Variants in PDZD2 observed in about 807,000 individuals in gnomAD.
The protein encoded by PDZD2 is PDZ domain-containing protein 2.
Under a neutral mutation model 220.7 loss-of-function variants are expected in PDZD2, and 90 were observed. The ratio of observed to expected loss-of-function variants is 0.41; its 90% CI spans 0.34 to 0.49. The LOEUF (loss-of-function observed/expected upper bound fraction) is 0.49. Among genes scored for constraint, PDZD2 ranks in the 20% least tolerant of loss-of-function variants. The pLI is 0.28. For synonymous variants in PDZD2, 1,375 were observed against 1,450.5 expected (o/e 0.95, Z 1.18); for missense variants, 3,174 against 3,608.5 (o/e 0.88, Z 3.08).
intron 2 of PDZD2, among the ~76,000 whole-genome samples, chr5:31,970,779 A>G (rs1749230469): frequency 6.6e-6 from 1 of 152,188 alleles, no homozygotes; most frequent in African/African-American, 2.4e-5. Context: ...AGTACATATG[A>G]AAGAATTTGA....
intron 2 of PDZD2, among the ~76,000 whole-genome samples, chr5:31,977,804 C>T (rs905539204): frequency 1.1e-4 from 17 of 152,168 alleles, no homozygotes; most frequent in African/African-American, 4.1e-4. Flanking sequence ...AAAACCCTGT[C>T]TCTACTGAAA....
chr5:31,779,514 C>T (rs1232804965), intron 1 of PDZD2, among the ~76,000 whole-genome samples: 1 of 151,634 alleles, frequency 6.6e-6, no homozygotes, highest in Non-Finnish European at 1.5e-5. Flanking sequence ...GCTGGGACTA[C>T]AGGCGCCCGC....
At position 32,060,167 on chromosome 5, in the gene PDZD2, A is replaced by G. The variant is rs115006891; in HGVS notation, c.2318+811A>G. 1.5e-3 allele frequency among the ~76,000 whole-genome samples: 231 copies of G among 149,554 alleles called. 1 individual carries two copies. Among genetic ancestry groups the G allele is most frequent in the Non-Finnish European group, 2.5e-3 (166 of 66,626 alleles). On this transcript the variant is annotated intron_variant, in intron 13 of 24. Coordinates refer to ENST00000438447, the MANE Select transcript of PDZD2 (RefSeq NM_178140.4). ...ATGTTTTTAGTTAATCATTAGAGTA[A>G]ATTTCCATATGAAAAAAAATTTAGC... is the stretch of plus-strand genomic sequence containing the variant.
intron 2 of PDZD2, among the ~76,000 whole-genome samples, chr5:31,924,302 G>A (rs1010457658): frequency 4.6e-5 from 7 of 152,274 alleles, no homozygotes; most frequent in Non-Finnish European, 8.8e-5. Context: ...CCTGCTGTGC[G>A]GTGCCAATTA....
chr5:31,739,564 A>G (rs996555477), intron 1 of PDZD2, among the ~76,000 whole-genome samples: 1 of 152,222 alleles, frequency 6.6e-6, no homozygotes, highest in African/African-American at 2.4e-5. Context: ...ATGGGATTAA[A>G]AGATAAAAAT....
rs997559356 is a variant in PDZD2 at position 32,037,362 on chromosome 5, G to A, written c.1519+20G>A. The A allele has an allele frequency of 1.4e-5, 19 of 1,339,292 alleles. No individual in the cohort carries two copies. Among genetic ancestry groups the A allele is most frequent in the Non-Finnish European group, 1.9e-5 (18 of 930,848 alleles). The allele number at this position is 1,339,292 out of a possible 1,614,324, so 83.0% of individuals were successfully genotyped here. On this transcript the variant is annotated intron_variant, in intron 7 of 24. Coordinates refer to ENST00000438447, the MANE Select transcript of PDZD2 (RefSeq NM_178140.4). ...TTTCAGGTAGGTGGGGGCTCTACCT[G>A]ATGCAGCCTGTCTAGGATGAGTTTT...
intron 2 of PDZD2, among the ~76,000 whole-genome samples, chr5:31,903,423 G>T (rs1351460150): frequency 6.6e-6 from 1 of 151,994 alleles, no homozygotes; most frequent in Non-Finnish European, 1.5e-5. Context: ...ATGGTGGGAA[G>T]ATTGCTTGAG....
At chr5:31,898,713 T>TG (rs1419643310) in intron 2 of PDZD2, among the ~76,000 whole-genome samples, 1 of 151,600 alleles carries the variant, frequency 6.6e-6, no homozygotes, top group East Asian at 1.9e-4. Context: ...TTCCTAGCTC[T>TG]GGGGGGCAGT....
intron 6 of PDZD2, among the ~76,000 whole-genome samples, chr5:32,027,921 T>C (rs1218291255): frequency 6.6e-6 from 1 of 152,178 alleles, no homozygotes; most frequent in East Asian, 1.9e-4. Context: ...AATCTTAGTG[T>C]GACTGAAGCC....
chr5:32,079,458 A>G (rs1741696143), intron 19 of PDZD2, among the ~76,000 whole-genome samples: 1 of 151,488 alleles, frequency 6.6e-6, no homozygotes, highest in East Asian at 2.0e-4. Context: ...TTGGTTAGCA[A>G]ACTACGGTGG....
chr5:31,986,317 C>T (rs1750716349), intron 3 of PDZD2, among the ~76,000 whole-genome samples: 1 of 152,106 alleles, frequency 6.6e-6, no homozygotes, highest in Non-Finnish European at 1.5e-5. Flanking sequence ...GTTTATAATT[C>T]ATATTCTGAT....
In PDZD2 at chr5:32,071,373, C is replaced by T. The variant is rs770273292; in HGVS notation, c.2534-11C>T. 7 of 1,597,142 alleles carry T rather than the reference C, an allele frequency of 4.4e-6. No homozygotes were observed. Among genetic ancestry groups the T allele is most frequent in the Non-Finnish European group, 6.0e-6 (7 of 1,164,602 alleles). On this transcript the variant is annotated splice_polypyrimidine_tract_variant and intron_variant, in intron 15 of 24. Transcript: ENST00000438447. ...TTGTTTTGACAATATGGTGAATTTT[C>T]CCTCCAACAGGTACCCCCTTGAAGA...
intron 7 of PDZD2, among the ~76,000 whole-genome samples, chr5:32,042,757 C>G (rs1756306049): frequency 1.3e-5 from 2 of 152,062 alleles, no homozygotes; most frequent in Admixed American, 6.6e-5. Flanking sequence ...CCCTTCCAGC[C>G]CTGAGGAAGA....
At chr5:31,691,428 G>A (rs1747124153) in intron 1 of PDZD2, among the ~76,000 whole-genome samples, 1 of 152,170 alleles carries the variant, frequency 6.6e-6, no homozygotes, top group Admixed American at 6.5e-5. Context: ...GGCCCGAACA[G>A]GTTGCCACTG....
At chr5:31,694,159 G>C (rs534236923) in intron 1 of PDZD2, among the ~76,000 whole-genome samples, 2 of 152,248 alleles carry the variant, frequency 1.3e-5, no homozygotes, top group East Asian at 3.9e-4. Context: ...GGGAGGCCAT[G>C]GTGGGCAGAT....
chr5:31,640,868 G>A (rs1744922865), intron 1 of PDZD2, among the ~76,000 whole-genome samples: 1 of 151,226 alleles, frequency 6.6e-6, no homozygotes, highest in Non-Finnish European at 1.5e-5. Flanking sequence ...TGTTGCGGGG[G>A]TTAGGTGTAG....
chr5:32,106,511 A>G (rs1368819629), intron 24 of PDZD2: 1 of 152,264 alleles, frequency 6.6e-6, no homozygotes. Context: ...ACCTAGTAAG[A>G]TAACAAGACA....
chr5:32,038,637 T>TA (rs1372531865), intron 7 of PDZD2, among the ~76,000 whole-genome samples: 1 of 152,228 alleles, frequency 6.6e-6, no homozygotes. Flanking sequence ...AAAAGATATT[T>TA]AAAAGGAAAC....
intron 1 of PDZD2, among the ~76,000 whole-genome samples, chr5:31,786,327 T>C (rs1753376712): frequency 6.6e-6 from 1 of 152,184 alleles, no homozygotes; most frequent in Non-Finnish European, 1.5e-5. Flanking sequence ...CAAGAGGCTG[T>C]GGGGCCTCAG....
Sources: allele counts gnomAD v4.1 joint callset (sites outside exome capture counted in the v4.1 genomes callset), GRCh38; gene constraint gnomAD v4.1.1; transcripts MANE v1.5; gene names NCBI Gene and HGNC (gene_info 2026-07-23, HGNC 2026-07-21).